Variants in TMEM131L observed in about 807,000 individuals in gnomAD.
The protein encoded by TMEM131L is transmembrane 131 like, also known as transmembrane protein 131-like.
TMEM131L carries 54 observed loss-of-function variants against 192.2 expected under a neutral mutation model. The observed-to-expected ratio is 0.28, with a 90% confidence interval of 0.23 to 0.35. The LOEUF (loss-of-function observed/expected upper bound fraction) is 0.35, where lower values mean the gene tolerates loss of function less well. Ranked by LOEUF, TMEM131L falls within the 10% of genes least tolerant of loss-of-function variation. TMEM131L has a pLI of 1.00. For synonymous variants in TMEM131L, 701 were observed against 704.9 expected (o/e 0.99, Z 0.09); for missense variants, 1,888 against 1,972.9 (o/e 0.96, Z 0.82).
chr4:153,470,969 C>T lies in TMEM131L; in HGVS notation c.196-2876C>T, dbSNP rs1024196919. ...TCCCTCTTTGAGTTTCTTGTAGTGC[C>T]TTCGGTTTTTTTTGTTTGTTTTCTT... On this transcript the variant is annotated intron_variant, in intron 2 of 34. Transcript: ENST00000409959. 4.6e-5 allele frequency among the ~76,000 whole-genome samples: 7 copies of T among 150,814 alleles called. No individual in the cohort carries two copies. In the East Asian group the frequency reaches 1.4e-3, roughly 29 times the overall value.
intron 25 of TMEM131L, among the ~76,000 whole-genome samples, chr4:153,609,228 T>G (rs1357513886): frequency 6.6e-6 from 1 of 152,178 alleles, no homozygotes; most frequent in Non-Finnish European, 1.5e-5. Context: ...GAAACACAGT[T>G]ATGGTGGAGG....
At chr4:153,546,186 C>T (rs767141470) in intron 3 of TMEM131L, among the ~76,000 whole-genome samples, 5 of 151,292 alleles carry the variant, frequency 3.3e-5, no homozygotes, top group Admixed American at 1.3e-4. Context: ...CCACTGCACC[C>T]GGTCCATTTT....
intron 2 of TMEM131L, among the ~76,000 whole-genome samples, chr4:153,469,949 CAAACAAA>C (rs370572096): frequency 2.0e-5 from 3 of 150,536 alleles, no homozygotes; most frequent in African/African-American, 7.4e-5. Context: ...AACAAACAAA[CAAACAAA>C]AAAACCAGTA....
intron 18 of TMEM131L, 63 bp downstream of exon 18, chr4:153,592,647 A>C (rs1246625784): frequency 2.8e-6 from 3 of 1,077,122 alleles, no homozygotes; most frequent in Non-Finnish European, 4.3e-6. Context: ...AGAATTACTT[A>C]ATGTCCTACA....
At chr4:153,586,121 T>C in intron 13 of TMEM131L, 88 bp from the exon 14 acceptor site, 3 of 959,370 alleles carry the variant, frequency 3.1e-6, no homozygotes, top group Non-Finnish European at 4.5e-6. Flanking sequence ...TTCTGAAGTA[T>C]AGAAGAATGT....
intron 1 of TMEM131L, 143 bp from the exon 2 acceptor site, chr4:153,467,068 C>A: frequency 1.3e-6 from 1 of 784,798 alleles, no homozygotes; most frequent in Non-Finnish European, 2.1e-6. Flanking sequence ...ATCCTTGGCT[C>A]GCCCCTGGGA....
intron 29 of TMEM131L, among the ~76,000 whole-genome samples, chr4:153,623,717 T>C (rs1733618341): frequency 6.6e-6 from 1 of 152,230 alleles, no homozygotes; most frequent in Non-Finnish European, 1.5e-5. Context: ...TAATACTCCA[T>C]TGTATGTGCA....
At chr4:153,573,071 G>A (rs1729699219) in intron 7 of TMEM131L, among the ~76,000 whole-genome samples, 1 of 152,136 alleles carries the variant, frequency 6.6e-6, no homozygotes, top group Admixed American at 6.5e-5. Flanking sequence ...ATAATTTTCT[G>A]TTGCACATAT....
chr4:153,491,242 C>T (rs111410559), intron 3 of TMEM131L, among the ~76,000 whole-genome samples: 4,238 of 152,180 alleles, frequency 0.028, 91 homozygotes, highest in Non-Finnish European at 0.042. Context: ...TCCTAGAGAG[C>T]TGAACACCTG....
chr4:153,488,107 G>T (rs1580051502), intron 3 of TMEM131L, among the ~76,000 whole-genome samples: 1 of 150,664 alleles, frequency 6.6e-6, no homozygotes, highest in East Asian at 2.0e-4. Context: ...TTGTGTGCGT[G>T]TGTGTGTGTG....
chr4:153,551,109 T>G (rs1737586063), intron 4 of TMEM131L, among the ~76,000 whole-genome samples: 1 of 152,142 alleles, frequency 6.6e-6, no homozygotes, highest in Admixed American at 6.5e-5. Context: ...AACTTCTAAT[T>G]AGTAGTTTCA....
At chr4:153,598,489 G>T (rs1181722984) in intron 20 of TMEM131L, 101 bp from the exon 21 acceptor site, 9 of 1,093,300 alleles carry the variant, frequency 8.2e-6, no homozygotes, top group Non-Finnish European at 1.2e-5. Context: ...CTTCAAAAAA[G>T]TTTAAAAATA....
intron 13 of TMEM131L, 57 bp downstream of exon 13, chr4:153,585,668 A>G: frequency 1.7e-6 from 2 of 1,178,560 alleles, no homozygotes; most frequent in South Asian, 4.1e-5. Context: ...GTTTAAGGTC[A>G]GATGCTGTGA....
intron 18 of TMEM131L, among the ~76,000 whole-genome samples, chr4:153,593,298 C>T (rs1731200599): frequency 6.6e-6 from 1 of 151,754 alleles, no homozygotes; most frequent in Non-Finnish European, 1.5e-5. Context: ...CCAGATGGTT[C>T]TACCATTCTG....
intron 4 of TMEM131L, among the ~76,000 whole-genome samples, chr4:153,552,471 TACCAAAA>T (rs1007625470): frequency 1.4e-4 from 22 of 152,288 alleles, no homozygotes; most frequent in Non-Finnish European, 1.0e-4. Context: ...CCCCCATGGA[TACCAAAA>T]GCTAAGGATG....
intron 3 of TMEM131L, among the ~76,000 whole-genome samples, chr4:153,539,940 G>A (rs563334620): frequency 2.0e-5 from 3 of 151,910 alleles, no homozygotes; most frequent in South Asian, 2.1e-4. Flanking sequence ...GAGAAACCCC[G>A]TCTCTACTAA....
At chr4:153,504,230 G>A (rs1180249395) in intron 3 of TMEM131L, among the ~76,000 whole-genome samples, 1 of 138,612 alleles carries the variant, frequency 7.2e-6, no homozygotes. Flanking sequence ...GCCTCCCAAA[G>A]TGCTGGGATT....
At chr4:153,468,757 C>T (rs1004387930) in intron 2 of TMEM131L, among the ~76,000 whole-genome samples, 2 of 151,824 alleles carry the variant, frequency 1.3e-5, no homozygotes, top group African/African-American at 4.8e-5. Context: ...CCCACCCCCT[C>T]CTGATTTTGA....
chr4:153,542,532 G>T (rs1736866591), intron 3 of TMEM131L, among the ~76,000 whole-genome samples: 1 of 152,194 alleles, frequency 6.6e-6, no homozygotes, highest in Admixed American at 6.5e-5. Flanking sequence ...TAAATCCCCA[G>T]AGCATCTTTG....
Sources: allele counts gnomAD v4.1 joint callset (sites outside exome capture counted in the v4.1 genomes callset), GRCh38; gene constraint gnomAD v4.1.1; transcripts MANE v1.5; gene names NCBI Gene and HGNC (gene_info 2026-07-23, HGNC 2026-07-21).